The following TEC variants were observed in gnomAD, a reference collection of about 807,000 sequenced individuals.
TEC encodes tec protein tyrosine kinase.
A neutral mutation model predicts 93.0 loss-of-function variants in TEC; 72 were observed. The ratio of observed to expected loss-of-function variants is 0.77; its 90% CI spans 0.64 to 0.94. TEC has a LOEUF of 0.94. Among genes scored for constraint, TEC ranks in the 40% least tolerant of loss-of-function variants. The pLI is 0.00. For synonymous variants in TEC, 249 were observed against 247.7 expected (o/e 1.01, Z -0.05); for missense variants, 630 against 757.9 (o/e 0.83, Z 1.98).
chr4:48,143,473 A>G (rs1719769227), intron 14 of TEC, among the ~76,000 whole-genome samples: 1 of 152,258 alleles, frequency 6.6e-6, no homozygotes. Flanking sequence ...CACAATGATA[A>G]CAATAACTGA....
intron 2 of TEC, among the ~76,000 whole-genome samples, chr4:48,213,230 C>CA (rs772793138): frequency 2.0e-5 from 3 of 152,134 alleles, no homozygotes; most frequent in Non-Finnish European, 4.4e-5. Context: ...AATCATTTTG[C>CA]AATTTCACCT....
rs370084986 is a variant in TEC at position 48,228,474 on chromosome 4, T to C, written c.138+3A>G. ...AGAAAAGTAAATCGTGATTGTCTCT[T>C]ACCTCTGCTCGACCCTCATAGTAGG... On this transcript the variant is annotated splice_donor_region_variant and intron_variant, in intron 2 of 17. Coordinates refer to ENST00000381501, the MANE Select transcript of TEC (RefSeq NM_003215.3). 28 of 1,592,132 alleles carry C rather than the reference T, an allele frequency of 1.8e-5. No individual in the cohort carries two copies. Among genetic ancestry groups the C allele is most frequent in the Non-Finnish European group, 1.9e-5 (22 of 1,173,734 alleles).
chr4:48,223,146 C>CA (rs144461985), intron 2 of TEC, among the ~76,000 whole-genome samples: 3 of 151,672 alleles, frequency 2.0e-5, no homozygotes, highest in African/African-American at 7.3e-5. Context: ...AATATATACA[C>CA]AAAAAAATGT....
chr4:48,255,247 G>C (rs906366220), intron 1 of TEC, among the ~76,000 whole-genome samples: 4 of 152,130 alleles, frequency 2.6e-5, no homozygotes, highest in Non-Finnish European at 5.9e-5. Flanking sequence ...TTCCTCCATG[G>C]AGCAGGGAAA....
chr4:48,260,799 C>T (rs547572776), intron 1 of TEC, among the ~76,000 whole-genome samples: 10 of 152,164 alleles, frequency 6.6e-5, no homozygotes, highest in African/African-American at 2.4e-4. Flanking sequence ...TAACATAATG[C>T]TCCTTAATTA....
intron 2 of TEC, among the ~76,000 whole-genome samples, chr4:48,218,054 T>C (rs959062896): frequency 2.6e-5 from 4 of 151,870 alleles, no homozygotes; most frequent in African/African-American, 9.7e-5. Context: ...CCTGGCATCA[T>C]GGCCTCTTGA....
chr4:48,146,444 T>G (rs750396543), intron 11 of TEC, 45 bp from the exon 12 acceptor site: 2 of 1,563,050 alleles, frequency 1.3e-6, no homozygotes, highest in Non-Finnish European at 1.8e-6. Flanking sequence ...TTCATAATCA[T>G]TCTGCTTGGT....
intron 2 of TEC, among the ~76,000 whole-genome samples, chr4:48,179,371 TATATA>T (rs1202444578): frequency 4.1e-3 from 141 of 34,596 alleles, no homozygotes; most frequent in Non-Finnish European, 4.9e-3. Context: ...TATATATATA[TATATA>T]TTTTTTTTTT....
chr4:48,268,823 C>A lies in TEC; in HGVS notation c.-46+929G>T, dbSNP rs557315435. Among the ~76,000 whole-genome samples, 9 of 152,330 alleles carry A rather than the reference C, an allele frequency of 5.9e-5. No individual in the cohort carries two copies. The South Asian group carries it at 1.7e-3, about 28-fold the overall frequency. On this transcript the variant is annotated intron_variant, in intron 1 of 17. Coordinates refer to ENST00000381501, the MANE Select transcript of TEC (RefSeq NM_003215.3). Reference sequence around the variant, plus strand: ...TCAAACCCACTTAGCCACCAGCCATCCTGTTGTTCCAAGTTAACATTAAGA... The same window carrying A: ...TCAAACCCACTTAGCCACCAGCCATACTGTTGTTCCAAGTTAACATTAAGA...
intron 14 of TEC, among the ~76,000 whole-genome samples, chr4:48,144,290 A>C (rs1296800353): frequency 6.6e-6 from 1 of 152,226 alleles, no homozygotes; most frequent in Non-Finnish European, 1.5e-5. Flanking sequence ...TAGAAAGCTA[A>C]AACTAAAATA....
intron 1 of TEC, among the ~76,000 whole-genome samples, chr4:48,265,289 G>T (rs1433548628): frequency 6.6e-6 from 1 of 150,676 alleles, no homozygotes; most frequent in Non-Finnish European, 1.5e-5. Flanking sequence ...CTTATTTTTG[G>T]CCCAGTCAAA....
chr4:48,238,414 C>T (rs889710501), intron 1 of TEC, among the ~76,000 whole-genome samples: 4 of 152,088 alleles, frequency 2.6e-5, no homozygotes, highest in African/African-American at 9.7e-5. Context: ...GCATAAAACC[C>T]TTATCTTTCA....
At position 48,141,400 on chromosome 4, in the gene TEC, A is replaced by G. The variant is rs1332465750; in HGVS notation, c.1490T>C (p.Val497Ala). 1.1e-5 allele frequency: 17 copies of G among 1,613,814 alleles called. No individual in the cohort carries two copies. The highest frequency in any genetic ancestry group is 1.4e-5 in the Non-Finnish European group (17 of 1,179,912). The change falls in exon 15 of 18, where the codon GTA (valine) becomes GCA (alanine). Residue 497 changes from valine to alanine, a missense_variant. By Grantham distance (64) the Val-to-Ala change is moderately conservative. Around this residue, in one of 3 missense-constraint regions of TEC, gnomAD observed 289 missense variants for 390.0 expected, o/e 0.74. Transcript: ENST00000381501. ...TACTTTTACAACTCCCGCCTCACTT[A>G]CTAGACAATTTCTGGCAGCCTGGAA... ...HRDLAARNCL[V>A]SEAGVVKVSD... is the part of the protein sequence containing the mutation.
intron 1 of TEC, among the ~76,000 whole-genome samples, chr4:48,238,673 T>C (rs1219384957): frequency 1.3e-5 from 2 of 150,372 alleles, no homozygotes; most frequent in African/African-American, 2.4e-5. Flanking sequence ...TATAAATTTA[T>C]GTAAATTTAT....
intron 1 of TEC, among the ~76,000 whole-genome samples, chr4:48,247,730 G>GT (rs1724097779): frequency 6.6e-6 from 1 of 152,206 alleles, no homozygotes; most frequent in Admixed American, 6.5e-5. Flanking sequence ...TGATATGGAG[G>GT]TGTGGGGTTT....
At chr4:48,150,704 A>G (rs1050606011) in intron 10 of TEC, among the ~76,000 whole-genome samples, 159 bp downstream of exon 10, 2 of 152,352 alleles carry the variant, frequency 1.3e-5, no homozygotes, top group Middle Eastern at 3.4e-3. Flanking sequence ...GAAAATATAA[A>G]TACAAAAAAC....
intron 14 of TEC, 146 bp from the exon 15 acceptor site, chr4:48,141,565 C>G (rs1166903258): frequency 1.1e-5 from 7 of 664,372 alleles, no homozygotes; most frequent in Non-Finnish European, 1.7e-5. Flanking sequence ...TGTTTTTACC[C>G]CTATGGAAGT....
chr4:48,144,998 T>C (rs1719843092), intron 14 of TEC, 81 bp downstream of exon 14: 2 of 1,311,184 alleles, frequency 1.5e-6, no homozygotes, highest in Non-Finnish European at 1.1e-6. Flanking sequence ...AATTGGCTAT[T>C]AATACATCAT....
intron 8 of TEC, among the ~76,000 whole-genome samples, chr4:48,160,546 T>C (rs1261902055): frequency 6.6e-6 from 1 of 151,666 alleles, no homozygotes; most frequent in African/African-American, 2.4e-5. Context: ...GGCCAACATA[T>C]TGAAACCCTG....
Sources: allele counts gnomAD v4.1 joint callset (sites outside exome capture counted in the v4.1 genomes callset), GRCh38; gene constraint gnomAD v4.1.1; regional missense constraint gnomAD v4.1.1; transcripts MANE v1.5; gene names NCBI Gene and HGNC (gene_info 2026-07-23, HGNC 2026-07-21).